CHD6: variants seen among roughly 807,000 people sequenced by gnomAD.
CHD6 encodes chromodomain helicase DNA binding protein 6, also known as ATP-dependent chromatin remodeler CHD6.
In CHD6, 50 loss-of-function variants were observed where a neutral mutation model predicts 276.9. The observed-to-expected ratio is 0.18, with a 90% CI of 0.14 to 0.23. The LOEUF (loss-of-function observed/expected upper bound fraction) is 0.23, where lower values mean the gene tolerates loss of function less well. Ranked by LOEUF, CHD6 falls within the 10% of genes least tolerant of loss-of-function variation. The pLI is 1.00. For missense variants in CHD6, 2,564 were observed against 3,365.8 expected (o/e 0.76, Z 5.89); for synonymous variants, 1,173 against 1,229.3 (o/e 0.95, Z 0.96).
chr20:41,473,391 C>G lies in CHD6; in HGVS notation c.2595G>C (p.Gly865=), dbSNP rs770273790. 1 of 1,614,100 alleles carries G rather than the reference C, an allele frequency of 6.2e-7. No individual in the cohort carries two copies. The highest frequency in any genetic ancestry group is 8.5e-7 in the Non-Finnish European group (1 of 1,179,994). ...AGGTATCAGCAGCTGTGAGATTGAT[C>G]CCCAGGCCTCCCGCTCTGGTGCACA... ...FLLCTRAGGL[G]INLTAADTCI... Residue 865 remains glycine (G), a synonymous_variant, in exon 17 of 37, where the codon GGG becomes GGC. Coordinates refer to ENST00000373233, the MANE Select transcript of CHD6 (RefSeq NM_032221.5). The surrounding 1 kb of genome is among the most constrained non-coding windows in gnomAD (Gnocchi z 4.1).
chr20:41,575,351 T>C (rs1390910154), intron 1 of CHD6, among the ~76,000 whole-genome samples: 23 of 152,240 alleles, frequency 1.5e-4, no homozygotes, highest in Admixed American at 1.3e-3. Context: ...ACCAAGAACC[T>C]GGACACCCTC....
At chr20:41,489,654 CAT>C in intron 12 of CHD6, 122 bp downstream of exon 12, 2 of 1,270,690 alleles carry the variant, frequency 1.6e-6, no homozygotes, top group East Asian at 4.7e-5. Flanking sequence ...CCTTGACAAA[CAT>C]ATTACAAAGT....
At chr20:41,458,153 G>A (rs1272101335) in intron 17 of CHD6, among the ~76,000 whole-genome samples, 13 of 152,120 alleles carry the variant, frequency 8.5e-5, no homozygotes, top group Non-Finnish European at 5.9e-5. Flanking sequence ...ACACCAAGAG[G>A]CAGATGGTAT....
At chr20:41,545,202 G>C (rs1284019828) in intron 2 of CHD6, among the ~76,000 whole-genome samples, 1 of 152,062 alleles carries the variant, frequency 6.6e-6, no homozygotes, top group African/African-American at 2.4e-5. Flanking sequence ...ATGCCCTTAA[G>C]TCTTCATTTC....
Position 41,512,892 on chromosome 20 carries a change from C to A in CHD6, c.806G>T (p.Gly269Val), listed in dbSNP as rs567054606. Residue 269 changes from glycine to valine, a missense_variant, in exon 5 of 37, where the codon GGT becomes GTT. Physicochemically the swap from Gly to Val is moderately radical, Grantham distance 109 (BLOSUM62 -3). Around this residue, in one of 7 missense-constraint regions of CHD6, gnomAD observed 457 missense variants for 889.0 expected, o/e 0.51. Coordinates refer to ENST00000373233, the MANE Select transcript of CHD6 (RefSeq NM_032221.5). ...DGETIAVLGAGRTSALSASTL... is the reference protein window; with the variant it reads ...DGETIAVLGAVRTSALSASTL... ...AGAGGCTGAGAGTGCAGATGTTCGA[C>A]CAGCTCCAAGAACAGCAATTGTTTC... The A allele has an allele frequency of 6.2e-7, 1 of 1,614,022 alleles. No individual in the cohort carries two copies. The highest frequency in any genetic ancestry group is 1.1e-5 in the South Asian group (1 of 91,076).
chr20:41,558,793 T>C (rs138627210), intron 1 of CHD6, among the ~76,000 whole-genome samples: 1 of 152,176 alleles, frequency 6.6e-6, no homozygotes, highest in East Asian at 1.9e-4. Flanking sequence ...TCCTCAAATA[T>C]CACCTTAGCA....
chr20:41,554,732 G>A (rs1388024122), intron 1 of CHD6, among the ~76,000 whole-genome samples: 2 of 151,280 alleles, frequency 1.3e-5, no homozygotes, highest in Non-Finnish European at 2.9e-5. Context: ...AACAGGATAA[G>A]AATTTTTCTT....
chr20:41,543,442 A>T (rs2044984446), intron 2 of CHD6, among the ~76,000 whole-genome samples: 1 of 152,166 alleles, frequency 6.6e-6, no homozygotes, highest in Non-Finnish European at 1.5e-5. Flanking sequence ...TCCATCACCC[A>T]TTCCCCAACA....
At chr20:41,478,407 C>T (rs1312543281) in intron 16 of CHD6, among the ~76,000 whole-genome samples, 1 of 152,152 alleles carries the variant, frequency 6.6e-6, no homozygotes, top group Non-Finnish European at 1.5e-5. Context: ...GGCGAGTTAA[C>T]AAAAGCAGAC....
intron 17 of CHD6, among the ~76,000 whole-genome samples, chr20:41,461,289 T>C (rs1237695784): frequency 3.3e-5 from 5 of 152,152 alleles, no homozygotes; most frequent in Admixed American, 6.5e-5. Flanking sequence ...TCGGGGACTG[T>C]TGGGAAGGCA....
At chr20:41,482,600 T>C (rs1022007394) in intron 16 of CHD6, 1 of 483,916 alleles carries the variant, frequency 2.1e-6, no homozygotes, top group African/African-American at 2.0e-5. Flanking sequence ...AAGTCTTTTA[T>C]CATTAAGAAT....
chr20:41,431,954 T>A (rs1486014975), intron 27 of CHD6, among the ~76,000 whole-genome samples: 1 of 150,842 alleles, frequency 6.6e-6, no homozygotes, highest in Non-Finnish European at 1.5e-5. Flanking sequence ...AGGTCAGGAG[T>A]TCGAGACCAG....
At chr20:41,608,316 T>G (rs1294560626) in intron 1 of CHD6, among the ~76,000 whole-genome samples, 1 of 152,170 alleles carries the variant, frequency 6.6e-6, no homozygotes, top group South Asian at 2.1e-4. Context: ...TACCGCGATA[T>G]GAGAGAGGGA....
intron 1 of CHD6, among the ~76,000 whole-genome samples, chr20:41,562,602 A>G (rs930818904): frequency 1.3e-5 from 2 of 152,000 alleles, no homozygotes; most frequent in African/African-American, 4.8e-5. Context: ...TCTTTTGTGT[A>G]TAAGTCAGGC....
intron 17 of CHD6, among the ~76,000 whole-genome samples, chr20:41,466,391 G>T (rs4810320): frequency 0.38 from 57,968 of 151,944 alleles, 13,845 homozygotes; most frequent in African/African-American, 0.66. Flanking sequence ...TATAGTGATA[G>T]TCTTCATTCT....
intron 1 of CHD6, among the ~76,000 whole-genome samples, chr20:41,561,087 G>GTA (rs1169030684): frequency 6.6e-6 from 1 of 152,102 alleles, no homozygotes; most frequent in African/African-American, 2.4e-5. Flanking sequence ...TAGGCCATAT[G>GTA]GTCTCAGTTG....
intron 2 of CHD6, among the ~76,000 whole-genome samples, chr20:41,537,024 G>A (rs967743168): frequency 1.3e-5 from 2 of 152,028 alleles, no homozygotes; most frequent in Admixed American, 6.6e-5. Flanking sequence ...CCCAAATTTA[G>A]GATGATTCTT....
At chr20:41,439,897 C>A in intron 26 of CHD6, 103 bp downstream of exon 26, 1 of 1,217,162 alleles carries the variant, frequency 8.2e-7, no homozygotes, top group Non-Finnish European at 1.2e-6. Context: ...TAGGGAGATG[C>A]CAGATGCTGA....
At chr20:41,531,529 C>T (rs1324151037) in intron 3 of CHD6, among the ~76,000 whole-genome samples, 1 of 152,170 alleles carries the variant, frequency 6.6e-6, no homozygotes, top group Non-Finnish European at 1.5e-5. Flanking sequence ...ACTAGGTTCA[C>T]TAAGAAACAA....
Sources: allele counts gnomAD v4.1 joint callset (sites outside exome capture counted in the v4.1 genomes callset), GRCh38; gene constraint gnomAD v4.1.1; regional missense constraint gnomAD v4.1.1; non-coding constraint Gnocchi (gnomAD v3.1); transcripts MANE v1.5; gene names NCBI Gene and HGNC (gene_info 2026-07-23, HGNC 2026-07-21).